The following PMP22 variants were observed in gnomAD, a reference collection of about 807,000 sequenced individuals.
PMP22 encodes peripheral myelin protein 22, also known as Charcot-Marie-Tooth neuropathy 1A (greatly reduced nerve conduction velocity, hereditary motor sensory neuropathy Ia).
A neutral mutation model predicts 18.9 loss-of-function variants in PMP22; 2 were observed. That is an observed-to-expected ratio of 0.11 (90% CI 0.04 to 0.33). PMP22 has a LOEUF of 0.33. Among genes scored for constraint, PMP22 ranks in the 10% least tolerant of loss-of-function variants. The pLI is 1.00. For missense variants in PMP22, 169 were observed against 202.2 expected (o/e 0.84, Z 1.00); for synonymous variants, 95 against 89.2 (o/e 1.07, Z -0.37).
At chr17:15,238,449 A>G (rs1318508813) in intron 4 of PMP22, among the ~76,000 whole-genome samples, 7 of 152,166 alleles carry the variant, frequency 4.6e-5, no homozygotes, top group Non-Finnish European at 2.9e-5. Flanking sequence ...GAGATGCTAC[A>G]TCCTTTGCCC....
chr17:15,237,542 G>A (rs904612445), intron 4 of PMP22, among the ~76,000 whole-genome samples: 5 of 152,266 alleles, frequency 3.3e-5, no homozygotes, highest in African/African-American at 7.2e-5. Context: ...ACCTTCCATT[G>A]TAAATCAGTT....
intron 3 of PMP22, among the ~76,000 whole-genome samples, chr17:15,251,324 C>T (rs1908321626): frequency 6.6e-6 from 1 of 152,070 alleles, no homozygotes; most frequent in Non-Finnish European, 1.5e-5. Context: ...CATAGTGATG[C>T]ATGTATTGTG....
Position 15,265,165 on chromosome 17 carries a change from G to T in PMP22, c.-46C>A. On this transcript the variant is annotated 5_prime_UTR_variant, in exon 1 of 5. It adds an upstream start codon to the 5' untranslated region. Transcript: ENST00000312280. ...CCAATAAAACTCACCCGGCCAAACA[G>T]CGTAACCCCTTCTTCCAAGCAGATT... 6.6e-6 allele frequency: 1 copy of T among 152,254 alleles called. No individual in the cohort carries two copies. Among genetic ancestry groups the T allele is most frequent in the Non-Finnish European group, 1.5e-5 (1 of 68,066 alleles). The allele number at this position is 152,254 out of a possible 1,614,324, so 9.4% of individuals were successfully genotyped here. A position where few individuals can be genotyped will look rare whatever the true frequency, so the allele number is the denominator to read the frequency against.
intron 3 of PMP22, chr17:15,251,646 C>T (rs1908361091): frequency 6.6e-6 from 1 of 150,550 alleles, no homozygotes; most frequent in Non-Finnish European, 1.5e-5. Context: ...TGTTGGGGGC[C>T]ACTTGTGTGT....
In PMP22 at chr17:15,258,579, A is replaced by G. The variant is rs943953405; in HGVS notation, c.178+515T>C. Reference sequence around the variant, plus strand: ...CATCTTGCAACAAGGAAACATTCAAAGGTTTTGATGCTAGGTGGCATCACT... The same window carrying G: ...CATCTTGCAACAAGGAAACATTCAAGGGTTTTGATGCTAGGTGGCATCACT... On this transcript the variant is annotated intron_variant, in intron 3 of 4. Transcript: ENST00000312280. The surrounding 1 kb of genome is among the most constrained non-coding windows in gnomAD (Gnocchi z 4.1). 6.6e-6 allele frequency among the ~76,000 whole-genome samples: 1 copy of G among 152,154 alleles called. No individual in the cohort carries two copies. Among genetic ancestry groups the G allele is most frequent in the Non-Finnish European group, 1.5e-5 (1 of 68,036 alleles).
At chr17:15,252,044 T>C (rs1019139767) in intron 3 of PMP22, among the ~76,000 whole-genome samples, 15 of 152,092 alleles carry the variant, frequency 9.9e-5, no homozygotes, top group African/African-American at 3.1e-4. Context: ...CATAAGAGCC[T>C]GTAAAATCCA....
intron 3 of PMP22, among the ~76,000 whole-genome samples, chr17:15,254,504 A>G (rs1908647332): frequency 1.3e-5 from 2 of 152,216 alleles, no homozygotes; most frequent in Non-Finnish European, 1.5e-5. Context: ...ATTCACTAAA[A>G]TACTAGAAAG....
intron 4 of PMP22, among the ~76,000 whole-genome samples, chr17:15,237,987 T>A (rs967974390): frequency 1.2e-4 from 18 of 150,994 alleles, no homozygotes; most frequent in African/African-American, 4.4e-4. Flanking sequence ...GATATCAAAC[T>A]AAAACGAGTG....
At chr17:15,255,474 C>T (rs557560095) in intron 3 of PMP22, among the ~76,000 whole-genome samples, 1 of 152,170 alleles carries the variant, frequency 6.6e-6, no homozygotes, top group East Asian at 1.9e-4. Context: ...GACAGCCAAA[C>T]CCAAGAGATG....
chr17:15,231,208 C>G (rs1906319543), intron 4 of PMP22, 128 bp from the exon 5 acceptor site: 1 of 926,522 alleles, frequency 1.1e-6, no homozygotes, highest in Non-Finnish European at 1.7e-6. Flanking sequence ...AAATCTGCTT[C>G]CAGGTCCAGA....
intron 4 of PMP22, among the ~76,000 whole-genome samples, chr17:15,233,443 C>A (rs574665638): frequency 1.3e-5 from 2 of 152,224 alleles, no homozygotes; most frequent in Non-Finnish European, 2.9e-5. Flanking sequence ...CAACTTCCTG[C>A]AAGTTCTGCC....
chr17:15,240,405 ATTTTTTTTTT>A (rs59646634), intron 3 of PMP22, among the ~76,000 whole-genome samples: 1 of 121,434 alleles, frequency 8.2e-6, no homozygotes. Flanking sequence ...GACAACCCGT[ATTTTTTTTTT>A]TTTTTTTTTT....
At chr17:15,242,113 G>T (rs1452905443) in intron 3 of PMP22, among the ~76,000 whole-genome samples, 1 of 151,886 alleles carries the variant, frequency 6.6e-6, no homozygotes, top group East Asian at 1.9e-4. Flanking sequence ...AATTGGCCAG[G>T]TGTGCTGGTG....
chr17:15,260,759 T>C lies in PMP22; in HGVS notation c.-32A>G, dbSNP rs1282340665. The C allele has an allele frequency of 3.3e-6, 5 of 1,536,336 alleles. No individual in the cohort carries two copies. Among genetic ancestry groups the C allele is most frequent in the South Asian group, 1.2e-5 (1 of 83,764 alleles). On this transcript the variant is annotated splice_region_variant and 5_prime_UTR_variant, in exon 2 of 5. Coordinates refer to ENST00000312280, the MANE Select transcript of PMP22 (RefSeq NM_000304.4). ...GGCAAGTTCTGCTCAGCGGAGTTTC[T>C]GCCTGCGAGGAGAGCGCTGGGCGTG...
At position 15,230,969 on chromosome 17, in the gene PMP22, G is replaced by A. The variant is rs1555564032; in HGVS notation, c.431C>T (p.Pro144Leu). The stretch of plus-strand genomic sequence containing the variant: ...GATGACACCGCTGAGAAGGGCCAGG[G>A]GGAAGGCCACCCAGGCCAGGATGTA... ...FAYILAWVAF[P>L]LALLSGVIYV... is the part of the protein sequence containing the mutation. The change falls in exon 5 of 5, where the codon CCC becomes CTC. Residue 144 changes from proline to leucine, a missense_variant. Coordinates refer to ENST00000312280, the MANE Select transcript of PMP22 (RefSeq NM_000304.4). 1 of 1,614,072 alleles carries A rather than the reference G, an allele frequency of 6.2e-7. No individual in the cohort carries two copies. The highest frequency in any genetic ancestry group is 8.5e-7 in the Non-Finnish European group (1 of 1,180,050).
intron 3 of PMP22, among the ~76,000 whole-genome samples, chr17:15,254,747 C>T (rs1022492172): frequency 1.3e-5 from 2 of 152,028 alleles, no homozygotes; most frequent in Non-Finnish European, 1.5e-5. Flanking sequence ...CACCTGAGGT[C>T]GGGAGTTCGA....
chr17:15,248,835 A>ATTT (rs1908072740), intron 3 of PMP22, among the ~76,000 whole-genome samples: 1 of 152,182 alleles, frequency 6.6e-6, no homozygotes, highest in African/African-American at 2.4e-5. Flanking sequence ...ATTTATCAGG[A>ATTT]GACTTGTTTT....
chr17:15,259,177 T>C lies in PMP22; in HGVS notation c.95A>G (p.Asn32Ser), dbSNP rs373322590. 7 of 1,612,826 alleles carry C rather than the reference T, an allele frequency of 4.3e-6. No individual in the cohort carries two copies. In the African/African-American group the frequency reaches 5.3e-5, roughly 12 times the overall value. ...CTGCCAGAGATCAGTTGCGTGTCCA[T>C]TGCCCACGATCCATTGCTAGAGAGA... ...STIVSQWIVG[N>S]GHATDLWQNC... Residue 32 changes from asparagine (N) to serine (S), a missense_variant, in exon 3 of 5, where the codon AAT (asparagine) becomes AGT (serine). Asn to Ser is a conservative substitution (Grantham distance 46, BLOSUM62 1). Coordinates refer to ENST00000312280, the MANE Select transcript of PMP22 (RefSeq NM_000304.4).
chr17:15,231,411 AC>A, intron 4 of PMP22, among the ~76,000 whole-genome samples: 1 of 152,268 alleles, frequency 6.6e-6, no homozygotes, highest in East Asian at 1.9e-4. Context: ...AGAAAAACCT[AC>A]CTGTCTCTTT....
Sources: gnomAD v4.1 joint callset for allele counts (sites outside exome capture counted in the v4.1 genomes callset) on GRCh38, gnomAD v4.1.1 for gene constraint, Gnocchi (gnomAD v3.1) non-coding constraint, MANE v1.5 for transcripts, NCBI Gene and HGNC (gene_info 2026-07-23, HGNC 2026-07-21) for gene names.